The following TMEM163 variants were observed in gnomAD, a reference collection of about 807,000 sequenced individuals.
The protein encoded by TMEM163 is transmembrane protein 163.
A neutral mutation model predicts 29.3 loss-of-function variants in TMEM163; 17 were observed. The observed-to-expected ratio is 0.58, with a 90% CI of 0.40 to 0.87. TMEM163 has a LOEUF of 0.87. TMEM163 is among the 40% of genes least tolerant of loss of function. TMEM163 has a pLI of 0.00. For synonymous variants in TMEM163, 157 were observed against 160.6 expected, an observed-to-expected ratio of 0.98 and a Z score of 0.17; for missense variants, 303 against 381.5, an observed-to-expected ratio of 0.79 and a Z score of 1.71.
chr2:134,575,854 C>T (rs1327096031), intron 2 of TMEM163, among the ~76,000 whole-genome samples: 3 of 151,946 alleles, frequency 2.0e-5, no homozygotes, highest in Admixed American at 6.6e-5. Flanking sequence ...AGGCATGTCT[C>T]GGGGAGGCAG....
At chr2:134,532,038 G>T (rs890300629) in intron 4 of TMEM163, among the ~76,000 whole-genome samples, 2 of 152,158 alleles carry the variant, frequency 1.3e-5, no homozygotes, top group Non-Finnish European at 2.9e-5. Flanking sequence ...CAGGAAACCG[G>T]GAAGATGACC....
chr2:134,590,456 T>C (rs975562322), intron 2 of TMEM163, among the ~76,000 whole-genome samples: 11 of 152,170 alleles, frequency 7.2e-5, no homozygotes, highest in African/African-American at 2.4e-4. Context: ...AAGTTAACCT[T>C]TGGGTCAGTA....
chr2:134,496,327 G>T (rs1489918574), intron 5 of TMEM163, among the ~76,000 whole-genome samples: 1 of 152,154 alleles, frequency 6.6e-6, no homozygotes, highest in East Asian at 1.9e-4. Flanking sequence ...CTCCCAAAGT[G>T]CTGGGATTAC....
intron 6 of TMEM163, 93 bp from the exon 7 acceptor site, chr2:134,458,266 T>A: frequency 6.7e-7 from 1 of 1,491,068 alleles, no homozygotes; most frequent in Non-Finnish European, 9.2e-7. Flanking sequence ...AACTGGAGCA[T>A]GTGCTGGGAG....
intron 5 of TMEM163, among the ~76,000 whole-genome samples, chr2:134,488,037 C>T (rs1246172559): frequency 1.3e-5 from 2 of 151,418 alleles, no homozygotes; most frequent in Non-Finnish European, 2.9e-5. Context: ...AATTTGATCA[C>T]ACCAAAATGG....
At chr2:134,698,950 T>TA (rs1684637008) in intron 2 of TMEM163, among the ~76,000 whole-genome samples, 1 of 152,216 alleles carries the variant, frequency 6.6e-6, no homozygotes, top group East Asian at 1.9e-4. Flanking sequence ...GGCTCCACAT[T>TA]GAGCCACTGG....
At chr2:134,692,053 G>A (rs1684480891) in intron 2 of TMEM163, among the ~76,000 whole-genome samples, 1 of 152,196 alleles carries the variant, frequency 6.6e-6, no homozygotes, top group Non-Finnish European at 1.5e-5. Flanking sequence ...ATAAGAGACA[G>A]GTGGAGGGAG....
chr2:134,716,475 T>G (rs1559002969), intron 1 of TMEM163, among the ~76,000 whole-genome samples: 1 of 152,212 alleles, frequency 6.6e-6, no homozygotes, highest in Non-Finnish European at 1.5e-5. Flanking sequence ...CACATCCTGA[T>G]AGCTCCAAAG....
intron 2 of TMEM163, among the ~76,000 whole-genome samples, chr2:134,650,393 T>C (rs997425867): frequency 2.0e-5 from 3 of 152,124 alleles, no homozygotes; most frequent in African/African-American, 7.2e-5. Flanking sequence ...GGTGATGATA[T>C]AAATCAAACT....
Position 134,528,801 on chromosome 2 carries a change from A to T in TMEM163, c.458+21769T>A, listed in dbSNP as rs1680349134. Among the ~76,000 whole-genome samples, 5 of 152,244 alleles carry T rather than the reference A, an allele frequency of 3.3e-5. No homozygotes were observed. In the South Asian group the frequency reaches 1.0e-3, roughly 32 times the overall value. The stretch of plus-strand genomic sequence containing the variant: ...AAAGAAATATTCTTCCTAAGGAAAT[A>T]ATCAGACACAAGATTGTATAAAGCC... On this transcript the variant is annotated intron_variant, in intron 4 of 7. Coordinates refer to ENST00000281924, the MANE Select transcript of TMEM163 (RefSeq NM_030923.5).
intron 2 of TMEM163, among the ~76,000 whole-genome samples, chr2:134,634,001 AT>A (rs1558971860): frequency 1.8e-3 from 53 of 29,596 alleles, no homozygotes; most frequent in African/African-American, 5.9e-3. Context: ...ATATATATAT[AT>A]ATATATATAT....
At chr2:134,503,741 C>T (rs1350878188) in intron 4 of TMEM163, among the ~76,000 whole-genome samples, 9 of 151,988 alleles carry the variant, frequency 5.9e-5, no homozygotes, top group African/African-American at 1.9e-4. Context: ...AGCAGGTGTG[C>T]AGTGAGGCCA....
At chr2:134,518,360 T>C (rs1680118589) in intron 4 of TMEM163, among the ~76,000 whole-genome samples, 1 of 152,226 alleles carries the variant, frequency 6.6e-6, no homozygotes, top group South Asian at 2.1e-4. Flanking sequence ...ATAAATAGGC[T>C]ATTGGTTTGT....
At chr2:134,673,731 A>G (rs562676224) in intron 2 of TMEM163, among the ~76,000 whole-genome samples, 7 of 152,320 alleles carry the variant, frequency 4.6e-5, no homozygotes, top group Admixed American at 3.3e-4. Flanking sequence ...TGAGGAATGC[A>G]GGCAGCCTCT....
At chr2:134,664,775 C>G (rs1219136146) in intron 2 of TMEM163, among the ~76,000 whole-genome samples, 2 of 152,212 alleles carry the variant, frequency 1.3e-5, no homozygotes, top group East Asian at 1.9e-4. Flanking sequence ...GCAGAAGGAA[C>G]AAACCCTGCT....
At chr2:134,670,363 G>A (rs111852668) in intron 2 of TMEM163, among the ~76,000 whole-genome samples, 162 of 152,224 alleles carry the variant, frequency 1.1e-3, no homozygotes, top group African/African-American at 3.5e-3. Context: ...TTGGGCAGTC[G>A]CCATGGCTAG....
chr2:134,702,396 C>T (rs1391393094), intron 2 of TMEM163, among the ~76,000 whole-genome samples: 2 of 152,218 alleles, frequency 1.3e-5, no homozygotes, highest in African/African-American at 4.8e-5. Flanking sequence ...GTCATCCCAA[C>T]ACTTTTGGGA....
At chr2:134,538,896 G>A (rs1188548876) in intron 4 of TMEM163, among the ~76,000 whole-genome samples, 2 of 152,098 alleles carry the variant, frequency 1.3e-5, no homozygotes, top group African/African-American at 4.8e-5. Context: ...TAATGAAAAT[G>A]TTCTGAAATA....
intron 2 of TMEM163, among the ~76,000 whole-genome samples, chr2:134,600,521 T>A (rs1052908040): frequency 6.6e-6 from 1 of 152,220 alleles, no homozygotes; most frequent in Non-Finnish European, 1.5e-5. Flanking sequence ...TGATTCCCTT[T>A]AAGACTTGGT....
Sources: allele counts gnomAD v4.1 joint callset (sites outside exome capture counted in the v4.1 genomes callset), GRCh38; gene constraint gnomAD v4.1.1; transcripts MANE v1.5; gene names NCBI Gene and HGNC (gene_info 2026-07-23, HGNC 2026-07-21).